CELF1: variants seen among roughly 807,000 people sequenced by gnomAD.
CELF1 encodes 50 kDa nuclear polyadenylated RNA-binding protein.
Under a neutral mutation model 61.8 loss-of-function variants are expected in CELF1, and 10 were observed. That is an observed-to-expected ratio of 0.16 (90% CI 0.10 to 0.27). The LOEUF is 0.27. CELF1 is among the 10% of genes least tolerant of loss of function. CELF1 has a pLI of 1.00. For missense variants in CELF1, 380 were observed against 639.1 expected, an observed-to-expected ratio of 0.59 and a Z score of 4.37; for synonymous variants, 236 against 225.1, an observed-to-expected ratio of 1.05 and a Z score of -0.43.
chr11:47,537,131 G>A (rs766724662), intron 1 of CELF1, among the ~76,000 whole-genome samples: 17 of 152,090 alleles, frequency 1.1e-4, no homozygotes, highest in Admixed American at 2.0e-4. Flanking sequence ...CTTATTCTTT[G>A]GAGCTACTGA....
At chr11:47,541,680 G>C (rs755234943) in intron 1 of CELF1, among the ~76,000 whole-genome samples, 2 of 63,588 alleles carry the variant, frequency 3.1e-5, no homozygotes, top group Non-Finnish European at 5.4e-5. Context: ...GACAGGGCGA[G>C]ACTGTCAAAG....
intron 1 of CELF1, among the ~76,000 whole-genome samples, chr11:47,524,320 C>G (rs1039698187): frequency 6.6e-6 from 1 of 152,040 alleles, no homozygotes; most frequent in Non-Finnish European, 1.5e-5. Context: ...AAAAACACTA[C>G]CACTTCAACA....
chr11:47,533,635 A>AATACATACATAC (rs61663256), intron 1 of CELF1, among the ~76,000 whole-genome samples: 37,195 of 148,586 alleles, frequency 0.25, 5,478 homozygotes, highest in Middle Eastern at 0.36. Context: ...AAAATAAATA[A>AATACATACATAC]ATACATACAT....
chr11:47,550,092 G>C (rs1746632869), intron 1 of CELF1, among the ~76,000 whole-genome samples: 1 of 151,986 alleles, frequency 6.6e-6, no homozygotes, highest in Admixed American at 6.6e-5. Context: ...TGGGATTACA[G>C]GTGTGAGCCA....
Position 47,482,969 on chromosome 11 carries a change from A to C in CELF1, c.607-113T>G, listed in dbSNP as rs2084270399. 15 of 918,826 alleles carry C rather than the reference A, an allele frequency of 1.6e-5. No individual in the cohort carries two copies. In the East Asian group the frequency reaches 3.9e-4, roughly 24 times the overall value. 56.9% of individuals were successfully genotyped at this position (918,826 alleles called of 1,614,324 possible). On this transcript the variant is annotated intron_variant, in intron 8 of 14. Coordinates refer to ENST00000687097, the MANE Select transcript of CELF1 (RefSeq NM_001376376.1). ...TTCTAATTTCATTCACTGCCAAATG[A>C]TTCTCCTCATGATAGACACAAGAGA...
chr11:47,542,740 C>T (rs536752461), intron 1 of CELF1, among the ~76,000 whole-genome samples: 2 of 150,944 alleles, frequency 1.3e-5, no homozygotes, highest in East Asian at 1.9e-4. Flanking sequence ...TCACGTGATC[C>T]GCGTGTCTTG....
chr11:47,508,793 G>A lies in CELF1; in HGVS notation c.-153-7861C>T, dbSNP rs927509657. Among the ~76,000 whole-genome samples, 7 of 152,164 alleles carry A rather than the reference G, an allele frequency of 4.6e-5. No individual in the cohort carries two copies. In the South Asian group the frequency reaches 6.2e-4, roughly 14 times the overall value. On this transcript the variant is annotated intron_variant, in intron 1 of 14. Transcript: ENST00000687097. ...TACACAAAAAAGGCTGTTTTGAGAC[G>A]GAGTTTCGCTCTTGTTGCCCAGGGT...
intron 1 of CELF1, among the ~76,000 whole-genome samples, chr11:47,549,120 A>G (rs1488731426): frequency 6.6e-6 from 1 of 152,190 alleles, no homozygotes; most frequent in African/African-American, 2.4e-5. Context: ...AGTATTGTCA[A>G]GGATGTAGAG....
intron 1 of CELF1, among the ~76,000 whole-genome samples, chr11:47,509,975 T>A (rs1194235410): frequency 1.3e-5 from 2 of 149,574 alleles, no homozygotes; most frequent in African/African-American, 4.9e-5. Context: ...GGCATAAGAA[T>A]CACTTGAACT....
intron 6 of CELF1, among the ~76,000 whole-genome samples, chr11:47,484,868 G>C (rs969443974): frequency 1.3e-5 from 2 of 152,042 alleles, no homozygotes; most frequent in African/African-American, 2.4e-5. Context: ...AGTAGAGATG[G>C]GGTTTCTCCA....
At position 47,528,496 on chromosome 11, in the gene CELF1, A is replaced by G. The variant is rs1217351810; in HGVS notation, c.-154+24496T>C. 2.6e-5 allele frequency among the ~76,000 whole-genome samples: 4 copies of G among 152,188 alleles called. No homozygotes were observed. In the South Asian group the frequency reaches 6.2e-4, roughly 24 times the overall value. On this transcript the variant is annotated intron_variant, in intron 1 of 14. Transcript: ENST00000687097. The stretch of plus-strand genomic sequence containing the variant: ...CCAGGCACAGTGGCTCACATCTGTA[A>G]TACAAGCACTTTGGGAGGCCGAGGT...
intron 1 of CELF1, among the ~76,000 whole-genome samples, chr11:47,502,969 G>A (rs1357398341): frequency 2.6e-5 from 4 of 152,194 alleles, no homozygotes; most frequent in Non-Finnish European, 5.9e-5. Flanking sequence ...TTCATCACCT[G>A]TTCCTTTCAC....
At position 47,504,770 on chromosome 11, in the gene CELF1, C is replaced by T. The variant is rs2094331020; in HGVS notation, c.-153-3838G>A. 2.7e-5 allele frequency among the ~76,000 whole-genome samples: 4 copies of T among 149,932 alleles called. 1 individual carries two copies. Among genetic ancestry groups the T allele is most frequent in the Non-Finnish European group, 6.0e-5 (4 of 67,140 alleles). On this transcript the variant is annotated intron_variant, in intron 1 of 14. Coordinates refer to ENST00000687097, the MANE Select transcript of CELF1 (RefSeq NM_001376376.1). ...TACAAAAATTAGCCGGATGTGGTGGCAGGTGCCTGTAGTCCCAGCTACTTG... is the reference window on the plus strand; with the variant it reads ...TACAAAAATTAGCCGGATGTGGTGGTAGGTGCCTGTAGTCCCAGCTACTTG...
intron 4 of CELF1, 124 bp from the exon 5 acceptor site, chr11:47,487,365 G>T: frequency 3.1e-6 from 2 of 639,020 alleles, no homozygotes; most frequent in South Asian, 1.9e-5. Flanking sequence ...AGTGAGAGGG[G>T]GAGGGTAGTG....
upstream of CELF1, among the ~76,000 whole-genome samples, chr11:47,555,890 C>T (rs191536617): frequency 8.4e-4 from 127 of 151,246 alleles, no homozygotes; most frequent in African/African-American, 3.0e-3. Context: ...ATCCCAGCTA[C>T]TCGGGAGGCT....
chr11:47,475,622 C>T, intron 12 of CELF1, 101 bp from the exon 13 acceptor site: 2 of 1,159,612 alleles, frequency 1.7e-6, no homozygotes, highest in Non-Finnish European at 2.5e-6. Flanking sequence ...CTCCAAAGTT[C>T]TCCCCTTTAT....
intron 1 of CELF1, among the ~76,000 whole-genome samples, chr11:47,535,770 G>GT (rs1176214101): frequency 2.0e-5 from 3 of 148,988 alleles, no homozygotes; most frequent in Non-Finnish European, 3.0e-5. Flanking sequence ...TTTTGTTTTT[G>GT]TTTTTTTCTT....
chr11:47,517,859 G>C (rs570419257), intron 1 of CELF1, among the ~76,000 whole-genome samples: 20 of 152,164 alleles, frequency 1.3e-4, no homozygotes, highest in African/African-American at 4.6e-4. Context: ...TCACCATGTT[G>C]GCCAAGCTGG....
intron 9 of CELF1, among the ~76,000 whole-genome samples, 174 bp from the exon 10 acceptor site, chr11:47,479,126 A>C (rs937523246): frequency 5.5e-5 from 8 of 146,532 alleles, no homozygotes; most frequent in African/African-American, 1.7e-4. Flanking sequence ...AGCACAGGAC[A>C]AAAAAAAAAC....
Sources: gnomAD v4.1 joint callset for allele counts (sites outside exome capture counted in the v4.1 genomes callset) on GRCh38, gnomAD v4.1.1 for gene constraint, MANE v1.5 for transcripts, NCBI Gene and HGNC (gene_info 2026-07-23, HGNC 2026-07-21) for gene names.